PKNOX2: variants seen among roughly 807,000 people sequenced by gnomAD.
The protein encoded by PKNOX2 is homeobox protein PKNOX2.
In PKNOX2, 14 loss-of-function variants were observed where a neutral mutation model predicts 53.1. The observed-to-expected ratio is 0.26, with a 90% CI of 0.17 to 0.41. The LOEUF (loss-of-function observed/expected upper bound fraction) is 0.41. PKNOX2 is among the 10% of genes least tolerant of loss of function. The pLI is 1.00. For missense variants in PKNOX2, 496 were observed against 602.8 expected (o/e 0.82, Z 1.85); for synonymous variants, 257 against 242.8 (o/e 1.06, Z -0.54).
chr11:125,249,882 C>T (rs1943862329), intron 2 of PKNOX2, among the ~76,000 whole-genome samples: 1 of 152,088 alleles, frequency 6.6e-6, no homozygotes, highest in African/African-American at 2.4e-5. Flanking sequence ...CCAGCTTGAT[C>T]AACATGGTGA....
intron 10 of PKNOX2, among the ~76,000 whole-genome samples, chr11:125,428,609 G>A (rs1006855416): frequency 1.3e-4 from 20 of 152,112 alleles, no homozygotes; most frequent in Admixed American, 7.2e-4. Flanking sequence ...CATTCACCCC[G>A]CCTACCACCT....
chr11:125,428,065 T>C (rs1244300740), intron 10 of PKNOX2, among the ~76,000 whole-genome samples: 1 of 152,228 alleles, frequency 6.6e-6, no homozygotes, highest in Non-Finnish European at 1.5e-5. Flanking sequence ...CATTGAGTGC[T>C]GTGCTTTTGC....
chr11:125,410,393 G>T (rs547276731), intron 8 of PKNOX2, 68 bp downstream of exon 8: 1 of 1,593,434 alleles, frequency 6.3e-7, no homozygotes, highest in Non-Finnish European at 8.5e-7. Context: ...GCCCCGAGGC[G>T]GTTCCAGGGG....
At chr11:125,397,473 C>A (rs1388440801) in intron 6 of PKNOX2, among the ~76,000 whole-genome samples, 1 of 152,226 alleles carries the variant, frequency 6.6e-6, no homozygotes, top group Non-Finnish European at 1.5e-5. Flanking sequence ...CAGGGAGAAT[C>A]TAATTATCCC....
chr11:125,322,135 C>A (rs888624740), intron 2 of PKNOX2, among the ~76,000 whole-genome samples: 5 of 151,996 alleles, frequency 3.3e-5, no homozygotes, highest in African/African-American at 4.8e-5. Context: ...GAAGGAGAGT[C>A]ATAGGCTAGA....
At chr11:125,229,419 A>G (rs1458575097) in intron 1 of PKNOX2, among the ~76,000 whole-genome samples, 1 of 152,200 alleles carries the variant, frequency 6.6e-6, no homozygotes, top group Admixed American at 6.5e-5. Flanking sequence ...ATTTCTGGAG[A>G]AAAGTTAGGA....
At chr11:125,253,056 G>A (rs968210859) in intron 2 of PKNOX2, among the ~76,000 whole-genome samples, 1 of 152,172 alleles carries the variant, frequency 6.6e-6, no homozygotes. Flanking sequence ...GAGTAGGAAG[G>A]CCCTTCCTGA....
intron 1 of PKNOX2, among the ~76,000 whole-genome samples, chr11:125,196,160 G>A (rs959774749): frequency 1.3e-5 from 2 of 152,152 alleles, no homozygotes; most frequent in Non-Finnish European, 2.9e-5. Context: ...CAGTACAGGT[G>A]GGATTTCCTC....
At chr11:125,287,299 A>T (rs375575853) in intron 2 of PKNOX2, among the ~76,000 whole-genome samples, 2 of 152,166 alleles carry the variant, frequency 1.3e-5, no homozygotes, top group Admixed American at 1.3e-4. Flanking sequence ...GAAGGTAGCC[A>T]TTGGAAAGAA....
chr11:125,169,505 C>T (rs1037754527), intron 1 of PKNOX2, among the ~76,000 whole-genome samples: 1 of 152,138 alleles, frequency 6.6e-6, no homozygotes, highest in African/African-American at 2.4e-5. Flanking sequence ...GGTCAGCATG[C>T]TGAGCTAGTG....
At chr11:125,373,732 C>T (rs1319282030) in intron 5 of PKNOX2, among the ~76,000 whole-genome samples, 2 of 152,138 alleles carry the variant, frequency 1.3e-5, no homozygotes, top group Non-Finnish European at 2.9e-5. Flanking sequence ...CTCCAGCATG[C>T]GTAAGGCATT....
chr11:125,363,423 G>A (rs867878877), intron 4 of PKNOX2, among the ~76,000 whole-genome samples: 2 of 152,212 alleles, frequency 1.3e-5, no homozygotes, highest in East Asian at 1.9e-4. Context: ...CCCAAAACAC[G>A]TAGCTAATAA....
chr11:125,308,071 C>T (rs565457290), intron 2 of PKNOX2, among the ~76,000 whole-genome samples: 10 of 152,302 alleles, frequency 6.6e-5, no homozygotes, highest in African/African-American at 9.6e-5. Context: ...TGATTGGAGA[C>T]GAGAATTTCC....
intron 1 of PKNOX2, among the ~76,000 whole-genome samples, chr11:125,226,595 A>G (rs79661596): frequency 0.018 from 2,745 of 152,074 alleles, 48 homozygotes; most frequent in Non-Finnish European, 0.028. Context: ...CTGCTGCATC[A>G]CATTAGGTGC....
At chr11:125,268,692 G>A (rs1016031718) in intron 2 of PKNOX2, among the ~76,000 whole-genome samples, 2 of 146,556 alleles carry the variant, frequency 1.4e-5, no homozygotes, top group African/African-American at 2.5e-5. Context: ...GGGGCCTGGG[G>A]CTGTGTGGGA....
At chr11:125,390,418 T>C (rs1289517745) in intron 6 of PKNOX2, among the ~76,000 whole-genome samples, 3 of 152,226 alleles carry the variant, frequency 2.0e-5, no homozygotes, top group Admixed American at 6.5e-5. Context: ...GGGCCAGGTC[T>C]TGTTTCTCAT....
At chr11:125,226,763 G>GA (rs1941730709) in intron 1 of PKNOX2, among the ~76,000 whole-genome samples, 1 of 144,846 alleles carries the variant, frequency 6.9e-6, no homozygotes, top group Non-Finnish European at 1.5e-5. Context: ...CCCTCACCAG[G>GA]TTTTTTTTTT....
At chr11:125,415,891 G>A (rs1464823024) in intron 10 of PKNOX2, among the ~76,000 whole-genome samples, 9 of 152,260 alleles carry the variant, frequency 5.9e-5, no homozygotes, top group Admixed American at 2.0e-4. Context: ...TGGACATACC[G>A]TATACATTCA....
intron 2 of PKNOX2, chr11:125,287,888 G>A (rs535918390): frequency 6.6e-6 from 1 of 152,338 alleles, no homozygotes; most frequent in East Asian, 1.9e-4. Flanking sequence ...TGGAAGCCAG[G>A]GGGGCCACAC....
Sources: gnomAD v4.1 joint callset for allele counts (sites outside exome capture counted in the v4.1 genomes callset) on GRCh38, gnomAD v4.1.1 for gene constraint, MANE v1.5 for transcripts, NCBI Gene and HGNC (gene_info 2026-07-23, HGNC 2026-07-21) for gene names.